NLGN1: variants seen among roughly 807,000 people sequenced by gnomAD.
NLGN1 encodes the protein neuroligin 1, also known as neuroligin-1.
Under a neutral mutation model 65.5 loss-of-function variants are expected in NLGN1, and 12 were observed. The observed-to-expected ratio is 0.18, with a 90% CI of 0.12 to 0.30. The LOEUF (loss-of-function observed/expected upper bound fraction) is 0.30, where lower values mean the gene tolerates loss of function less well. Among genes scored for constraint, NLGN1 ranks in the 10% least tolerant of loss-of-function variants. The probability of loss-of-function intolerance (pLI) is 1.00; values close to 1 mark genes in which losing one functional copy is unlikely to be tolerated. For missense variants in NLGN1, 750 were observed against 1,007.1 expected, an observed-to-expected ratio of 0.74 and a Z score of 3.46; for synonymous variants, 350 against 359.5, an observed-to-expected ratio of 0.97 and a Z score of 0.30.
intron 4 of NLGN1, among the ~76,000 whole-genome samples, chr3:173,942,846 C>T (rs550127562): frequency 6.6e-6 from 1 of 152,248 alleles, no homozygotes; most frequent in African/African-American, 2.4e-5. Context: ...TGCATTTTCA[C>T]ATATTAATTT....
chr3:173,438,389 T>C (rs1389294673), intron 2 of NLGN1, among the ~76,000 whole-genome samples: 1 of 152,124 alleles, frequency 6.6e-6, no homozygotes, highest in South Asian at 2.1e-4. Flanking sequence ...CTATTAAAAG[T>C]ATACAAGGAA....
At chr3:174,169,348 T>G (rs1728103000) in intron 4 of NLGN1, among the ~76,000 whole-genome samples, 1 of 151,992 alleles carries the variant, frequency 6.6e-6, no homozygotes, top group Non-Finnish European at 1.5e-5. Flanking sequence ...AGGAAGGGTG[T>G]CGCAACCCAG....
rs1161346725 is a variant in NLGN1, at chr3:174,279,530, C to T, written c.1529C>T (p.Pro510Leu). 1.2e-6 allele frequency: 2 copies of T among 1,612,988 alleles called. No individual in the cohort carries two copies. Among genetic ancestry groups the T allele is most frequent in the African/African-American group, 1.3e-5 (1 of 74,824 alleles). ...GATGCAGCCCACGGAGACGAGGTTC[C>T]CTATGTACTGGGAATCCCCATGATT... Residue 510 changes from proline to leucine, a missense_variant, in exon 6 of 7, where the codon CCC becomes CTC. Pro to Leu is a moderately conservative substitution (Grantham distance 98). Coordinates refer to ENST00000457714, the Ensembl canonical transcript of NLGN1. This position sits in a 1 kb window ranked among gnomAD's most constrained non-coding sequence, Gnocchi z 4.7.
At chr3:173,676,935 C>A (rs1399392167) in intron 3 of NLGN1, among the ~76,000 whole-genome samples, 1 of 151,948 alleles carries the variant, frequency 6.6e-6, no homozygotes, top group Non-Finnish European at 1.5e-5. Flanking sequence ...TAACACCCTG[C>A]AAATGTAGAT....
intron 2 of NLGN1, among the ~76,000 whole-genome samples, chr3:173,579,448 G>C (rs1015477576): frequency 1.3e-5 from 2 of 152,248 alleles, no homozygotes; most frequent in Non-Finnish European, 2.9e-5. Context: ...CTGCACTCCA[G>C]CCTGGGCAAG....
chr3:173,659,244 A>G (rs1344159785), intron 3 of NLGN1, among the ~76,000 whole-genome samples: 2 of 152,076 alleles, frequency 1.3e-5, no homozygotes, highest in Admixed American at 6.6e-5. Context: ...ATTTAGAGGT[A>G]TGCATTCTCA....
At chr3:173,998,938 CA>C (rs1722771561) in intron 4 of NLGN1, among the ~76,000 whole-genome samples, 1 of 152,178 alleles carries the variant, frequency 6.6e-6, no homozygotes, top group Non-Finnish European at 1.5e-5. Flanking sequence ...ACATCCTTTT[CA>C]AATAATTCCT....
At chr3:173,984,983 A>G (rs1719577775) in intron 4 of NLGN1, among the ~76,000 whole-genome samples, 1 of 152,178 alleles carries the variant, frequency 6.6e-6, no homozygotes, top group Non-Finnish European at 1.5e-5. Context: ...TGGAGGTTGC[A>G]GTGAACTGAG....
At chr3:173,446,583 TTATGGGATGA>T (rs1720382206) in intron 2 of NLGN1, among the ~76,000 whole-genome samples, 1 of 152,198 alleles carries the variant, frequency 6.6e-6, no homozygotes, top group Non-Finnish European at 1.5e-5. Context: ...ATATACCCAG[TTATGGGATGA>T]CTGGGTCAAA....
At chr3:174,059,637 G>C (rs1314566406) in intron 4 of NLGN1, among the ~76,000 whole-genome samples, 3 of 152,060 alleles carry the variant, frequency 2.0e-5, no homozygotes, top group African/African-American at 7.2e-5. Context: ...CATAATATTT[G>C]AATCAAGTAA....
chr3:173,683,837 A>G (rs557677124), intron 3 of NLGN1, among the ~76,000 whole-genome samples: 16 of 152,194 alleles, frequency 1.1e-4, no homozygotes, highest in Admixed American at 8.5e-4. Context: ...TTCAACCCAA[A>G]CAGATGCATA....
intron 3 of NLGN1, among the ~76,000 whole-genome samples, chr3:173,607,523 A>T (rs1453918930): frequency 6.6e-6 from 1 of 150,580 alleles, no homozygotes; most frequent in Non-Finnish European, 1.5e-5. Context: ...TAGTATTTTT[A>T]AAATAAACAA....
At chr3:174,281,377 C>A in exon 7 of NLGN1, 3 of 898,796 alleles carry the variant, frequency 3.3e-6, no homozygotes, top group Non-Finnish European at 5.1e-6. Context: ...TGGCTTTCAA[C>A]CTACAAGACT....
In NLGN1 at chr3:173,467,958, A is replaced by G. The variant is rs144714590; in HGVS notation, c.-321+32880A>G. ...AAATTTTTGTTTTATTCATATACAA[A>G]GATGCACCTGTGATTTATTAAAGAT... On this transcript the variant is annotated intron_variant, in intron 2 of 6. Transcript: ENST00000457714. Among the ~76,000 whole-genome samples, 8 of 152,268 alleles carry G rather than the reference A, an allele frequency of 5.3e-5. No individual in the cohort carries two copies. In the East Asian group the frequency reaches 1.5e-3, roughly 29 times the overall value.
chr3:173,564,181 C>T (rs900050251), intron 2 of NLGN1, among the ~76,000 whole-genome samples: 6 of 152,216 alleles, frequency 3.9e-5, no homozygotes, highest in Admixed American at 2.0e-4. Flanking sequence ...TGTTTTTCTA[C>T]TCAAAAGAAG....
chr3:173,966,457 A>T (rs1714886668), intron 4 of NLGN1, among the ~76,000 whole-genome samples: 1 of 152,248 alleles, frequency 6.6e-6, no homozygotes, highest in East Asian at 1.9e-4. Flanking sequence ...AAGATAATTG[A>T]ACAATAAACT....
intron 4 of NLGN1, among the ~76,000 whole-genome samples, chr3:173,922,348 C>T (rs1375270842): frequency 1.3e-5 from 2 of 151,860 alleles, no homozygotes; most frequent in Non-Finnish European, 2.9e-5. Context: ...GACAGTATAC[C>T]GGTAGCTGCA....
intron 4 of NLGN1, among the ~76,000 whole-genome samples, chr3:174,022,744 G>A (rs1444291992): frequency 1.3e-5 from 2 of 151,964 alleles, no homozygotes; most frequent in Admixed American, 6.6e-5. Context: ...TGATGCAGGG[G>A]GTATCTTTTG....
rs58238556 is a variant in NLGN1 at position 174,266,034 on chromosome 3, A to G, written c.647-9281A>G. ...AGTGCATATATATGTGTGTGTGTGT[A>G]TATATATATATATTTTTTTTTTCTT... On this transcript the variant is annotated intron_variant, in intron 4 of 6. Coordinates refer to ENST00000457714, the Ensembl canonical transcript of NLGN1. Among the ~76,000 whole-genome samples the G allele has an allele frequency of 7.2e-3, 733 of 101,214 alleles. 4 individuals carry two copies. Among genetic ancestry groups the G allele is most frequent in the East Asian group, 0.054 (76 of 1,410 alleles). The allele number at this position is 101,214 out of a possible 152,430, so 66.4% of individuals were successfully genotyped here. A position where few individuals can be genotyped will look rare whatever the true frequency, so the allele number is the denominator to read the frequency against.
Sources: allele counts gnomAD v4.1 joint callset (sites outside exome capture counted in the v4.1 genomes callset), GRCh38; gene constraint gnomAD v4.1.1; non-coding constraint Gnocchi (gnomAD v3.1); transcripts MANE v1.5; gene names NCBI Gene and HGNC (gene_info 2026-07-23, HGNC 2026-07-21).